The following ESRRG variants were observed in gnomAD, a reference collection of about 807,000 sequenced individuals.
ESRRG encodes the protein estrogen related receptor gamma.
In ESRRG, 13 loss-of-function variants were observed where a neutral mutation model predicts 44.0. The ratio of observed to expected loss-of-function variants is 0.30; its 90% CI spans 0.19 to 0.47. The LOEUF (loss-of-function observed/expected upper bound fraction) is 0.47. Ranked by LOEUF, ESRRG falls within the 20% of genes least tolerant of loss-of-function variation. ESRRG has a pLI of 1.00. For missense variants in ESRRG, 395 were observed against 580.6 expected (o/e 0.68, Z 3.29); for synonymous variants, 215 against 214.6 (o/e 1.00, Z -0.02).
At chr1:216,654,401 G>T (rs907989064) in intron 2 of ESRRG, among the ~76,000 whole-genome samples, 1 of 151,932 alleles carries the variant, frequency 6.6e-6, no homozygotes, top group African/African-American at 2.4e-5. Flanking sequence ...CAAGGAGGGT[G>T]GATCACTCAC....
At chr1:216,650,841 T>C (rs1204306063) in intron 3 of ESRRG, 132 bp downstream of exon 3, 1 of 692,616 alleles carries the variant, frequency 1.4e-6, no homozygotes, top group African/African-American at 1.8e-5. Flanking sequence ...TATAAAGGAG[T>C]ATTCTGCCAT....
intron 3 of ESRRG, among the ~76,000 whole-genome samples, chr1:216,650,098 T>A (rs1379879770): frequency 2.0e-5 from 3 of 152,196 alleles, no homozygotes; most frequent in African/African-American, 7.2e-5. Flanking sequence ...TTCATTGTGT[T>A]ACTTTATAAA....
At chr1:216,568,891 C>T (rs182395778) in intron 3 of ESRRG, among the ~76,000 whole-genome samples, 49 of 152,036 alleles carry the variant, frequency 3.2e-4, no homozygotes, top group Non-Finnish European at 5.9e-4. Flanking sequence ...CCTGTCTCTA[C>T]TAAAAATACA....
chr1:216,828,233 T>G (rs1203824696), intron 2 of ESRRG, among the ~76,000 whole-genome samples: 1 of 152,138 alleles, frequency 6.6e-6, no homozygotes, highest in Non-Finnish European at 1.5e-5. Flanking sequence ...TAACAGTAAT[T>G]TATTGAGCAA....
At chr1:216,989,794 TATTTAC>T (rs1423372665) in intron 1 of ESRRG, among the ~76,000 whole-genome samples, 3 of 152,060 alleles carry the variant, frequency 2.0e-5, no homozygotes, top group Admixed American at 6.6e-5. Flanking sequence ...TAGCAATAGG[TATTTAC>T]AAGGCACTTT....
chr1:216,773,153 G>T (rs1187243988), intron 2 of ESRRG, among the ~76,000 whole-genome samples: 23 of 151,988 alleles, frequency 1.5e-4, no homozygotes, highest in Admixed American at 1.5e-3. Flanking sequence ...GGAAAAAACT[G>T]AACTTAAAAT....
At chr1:216,775,936 G>T (rs1439199191) in intron 2 of ESRRG, among the ~76,000 whole-genome samples, 1 of 151,780 alleles carries the variant, frequency 6.6e-6, no homozygotes, top group Non-Finnish European at 1.5e-5. Flanking sequence ...CTTAATTGAA[G>T]CTACTCTTTC....
At chr1:216,669,564 A>C (rs796694886) in intron 2 of ESRRG, among the ~76,000 whole-genome samples, 38 of 152,372 alleles carry the variant, frequency 2.5e-4, no homozygotes, top group African/African-American at 8.7e-4. Context: ...AGAAGTGGAA[A>C]AGTCAAACTT....
At chr1:216,827,693 G>T (rs2095420828) in intron 2 of ESRRG, among the ~76,000 whole-genome samples, 1 of 152,096 alleles carries the variant, frequency 6.6e-6, no homozygotes, top group South Asian at 2.1e-4. Context: ...GAAAGAAAGG[G>T]TATGCAATGG....
chr1:216,697,746 C>T (rs1430988040), intron 1 of ESRRG, among the ~76,000 whole-genome samples: 1 of 152,318 alleles, frequency 6.6e-6, no homozygotes, highest in Non-Finnish European at 1.5e-5. Context: ...ATTAATTTAA[C>T]ACAGGTCAGG....
chr1:216,695,543 A>T (rs982321809), intron 1 of ESRRG, among the ~76,000 whole-genome samples: 35 of 152,204 alleles, frequency 2.3e-4, no homozygotes, highest in Non-Finnish European at 4.1e-4. Context: ...TAGACTATAG[A>T]TCATATTTGA....
At chr1:216,542,478 G>A (rs372794451) in intron 5 of ESRRG, among the ~76,000 whole-genome samples, 1 of 152,016 alleles carries the variant, frequency 6.6e-6, no homozygotes, top group East Asian at 1.9e-4. Context: ...CATATCCCTG[G>A]AATTTCCTAT....
At chr1:216,975,292 A>G (rs995229566) in intron 1 of ESRRG, among the ~76,000 whole-genome samples, 1 of 152,200 alleles carries the variant, frequency 6.6e-6, no homozygotes, top group Admixed American at 6.5e-5. Context: ...CCTCTCTCTT[A>G]CCAACCATTT....
At chr1:216,622,416 A>C (rs762346010) in intron 3 of ESRRG, among the ~76,000 whole-genome samples, 5 of 152,150 alleles carry the variant, frequency 3.3e-5, no homozygotes, top group Admixed American at 6.5e-5. Flanking sequence ...TTGAATTATT[A>C]GTTTTCTTTT....
intron 1 of ESRRG, among the ~76,000 whole-genome samples, chr1:217,068,274 A>G (rs1034503358): frequency 6.6e-6 from 1 of 151,888 alleles, no homozygotes; most frequent in African/African-American, 2.4e-5. Flanking sequence ...TAATTCTTCA[A>G]TTGAGGACCA....
chr1:216,836,399 A>G (rs2095565536), intron 2 of ESRRG, among the ~76,000 whole-genome samples: 1 of 152,234 alleles, frequency 6.6e-6, no homozygotes, highest in African/African-American at 2.4e-5. Flanking sequence ...CTGTCTCACC[A>G]GTGAGTTGAA....
intron 2 of ESRRG, among the ~76,000 whole-genome samples, chr1:216,890,877 A>C (rs1333690135): frequency 6.6e-6 from 1 of 152,180 alleles, no homozygotes; most frequent in Admixed American, 6.5e-5. Context: ...GTTTCTTTTA[A>C]ATGTTTGTGT....
At chr1:216,868,964 T>C (rs1390188886) in intron 2 of ESRRG, among the ~76,000 whole-genome samples, 7 of 152,212 alleles carry the variant, frequency 4.6e-5, no homozygotes, top group Admixed American at 3.3e-4. Context: ...ACTCTTGTTA[T>C]GAGAGCTTTG....
chr1:216,594,924 A>C (rs1351116059), intron 3 of ESRRG, among the ~76,000 whole-genome samples: 2 of 152,206 alleles, frequency 1.3e-5, no homozygotes, highest in East Asian at 3.9e-4. Context: ...GGTAGGGAAG[A>C]TATTTTGAGG....
Sources: allele counts gnomAD v4.1 joint callset (sites outside exome capture counted in the v4.1 genomes callset), GRCh38; gene constraint gnomAD v4.1.1; transcripts MANE v1.5; gene names NCBI Gene and HGNC (gene_info 2026-07-23, HGNC 2026-07-21).